The following CTNNA2 variants were observed in gnomAD, a reference collection of about 807,000 sequenced individuals.
CTNNA2 encodes catenin alpha-2.
In CTNNA2, 42 loss-of-function variants were observed where a neutral mutation model predicts 101.0. The ratio of observed to expected loss-of-function variants is 0.42; its 90% CI spans 0.32 to 0.54. The LOEUF (loss-of-function observed/expected upper bound fraction) is 0.54, where lower values mean the gene tolerates loss of function less well. Among genes scored for constraint, CTNNA2 ranks in the 20% least tolerant of loss-of-function variants. CTNNA2 has a pLI of 0.14. For missense variants in CTNNA2, 871 were observed against 1,223.1 expected, an observed-to-expected ratio of 0.71 and a Z score of 4.29; for synonymous variants, 450 against 456.4, an observed-to-expected ratio of 0.99 and a Z score of 0.18.
chr2:80,276,929 G>T lies in CTNNA2; in HGVS notation c.1057-116282G>T, dbSNP rs1558962341. Among the ~76,000 whole-genome samples the T allele has an allele frequency of 3.9e-5, 6 of 152,190 alleles. No homozygotes were observed. The South Asian group carries it at 1.2e-3, about 32-fold the overall frequency. ...GTTAGCCCAGACCCCACAGGTTGAAGACAAAGTCCTTTACAAGACTATTGC... is the reference window on the plus strand; with the variant it reads ...GTTAGCCCAGACCCCACAGGTTGAATACAAAGTCCTTTACAAGACTATTGC... On this transcript the variant is annotated intron_variant, in intron 7 of 18. Coordinates refer to ENST00000402739, the MANE Select transcript of CTNNA2 (RefSeq NM_001282597.3).
chr2:80,074,702 G>A (rs773939129), intron 7 of CTNNA2, among the ~76,000 whole-genome samples: 1 of 152,144 alleles, frequency 6.6e-6, no homozygotes, highest in African/African-American at 2.4e-5. Flanking sequence ...GAAATAAGGA[G>A]CAAGAGAACA....
At chr2:80,582,324 C>T (rs1248072741) in intron 14 of CTNNA2, among the ~76,000 whole-genome samples, 1 of 152,096 alleles carries the variant, frequency 6.6e-6, no homozygotes, top group Non-Finnish European at 1.5e-5. Context: ...GGTTCAAGGC[C>T]ATTAGATAGA....
intron 12 of CTNNA2, among the ~76,000 whole-genome samples, chr2:80,562,078 T>A (rs917122737): frequency 2.8e-5 from 4 of 143,308 alleles, no homozygotes; most frequent in Non-Finnish European, 6.1e-5. Flanking sequence ...TTTTGAAATG[T>A]AAACATATCT....
chr2:79,277,350 T>C (rs924854604), intron 2 of CTNNA2, among the ~76,000 whole-genome samples: 1 of 152,102 alleles, frequency 6.6e-6, no homozygotes, highest in Non-Finnish European at 1.5e-5. Context: ...CTCTGCCTCA[T>C]TGTGCTCATT....
At chr2:79,646,378 T>C (rs2104447859) in intron 1 of CTNNA2, among the ~76,000 whole-genome samples, 1 of 152,290 alleles carries the variant, frequency 6.6e-6, no homozygotes, top group South Asian at 2.1e-4. Flanking sequence ...TTGTATTTTC[T>C]ATCATGAGTG....
rs544283241 is a variant in CTNNA2 at position 79,319,078 on chromosome 2, G to C, written c.-318+6282G>C. On this transcript the variant is annotated intron_variant, in intron 3 of 21. Coordinates refer to the CTNNA2 transcript ENST00000466387. The stretch of plus-strand genomic sequence containing the variant: ...CATAAGAGATCTTTCTCCAAGTAGA[G>C]AGGAAGACCCAGGTAAAAGTAGATG... Among the ~76,000 whole-genome samples the C allele has an allele frequency of 5.3e-5, 8 of 152,292 alleles. No individual in the cohort carries two copies. In the East Asian group the frequency reaches 9.6e-4, roughly 18 times the overall value.
At chr2:79,312,880 A>G (rs1394031960) in intron 3 of CTNNA2, 1 of 152,222 alleles carries the variant, frequency 6.6e-6, no homozygotes, top group East Asian at 1.9e-4. Flanking sequence ...TTCCTTTCCA[A>G]GAAATGAGTT....
At chr2:79,705,619 A>T (rs917609726) in intron 2 of CTNNA2, among the ~76,000 whole-genome samples, 6 of 152,180 alleles carry the variant, frequency 3.9e-5, no homozygotes, top group African/African-American at 1.4e-4. Context: ...TCAAATACAC[A>T]GTTTATTTTA....
intron 3 of CTNNA2, among the ~76,000 whole-genome samples, chr2:79,816,432 A>G (rs1330771145): frequency 6.6e-6 from 1 of 152,104 alleles, no homozygotes; most frequent in Non-Finnish European, 1.5e-5. Flanking sequence ...CATTTTAAGG[A>G]TTCAAAAATT....
chr2:79,976,622 G>T lies in CTNNA2; in HGVS notation c.1056+66825G>T, dbSNP rs148051543. On this transcript the variant is annotated intron_variant, in intron 7 of 18. Coordinates refer to ENST00000402739, the MANE Select transcript of CTNNA2 (RefSeq NM_001282597.3). ...TTAAGGGCTTTTGTATCAGGCACAG[G>T]CATTACGATTACATTTTAACCTCAC... is the stretch of plus-strand genomic sequence containing the variant. Among the ~76,000 whole-genome samples, 24 of 152,272 alleles carry T rather than the reference G, an allele frequency of 1.6e-4. No individual in the cohort carries two copies. The East Asian group carries it at 3.7e-3, about 23-fold the overall frequency.
intron 7 of CTNNA2, among the ~76,000 whole-genome samples, chr2:79,959,439 A>T (rs1346166677): frequency 6.6e-6 from 1 of 152,222 alleles, no homozygotes; most frequent in Non-Finnish European, 1.5e-5. Context: ...CACAAAGAAG[A>T]ACAAGAAACA....
chr2:79,746,755 G>A (rs910696908), intron 3 of CTNNA2, among the ~76,000 whole-genome samples: 2 of 152,102 alleles, frequency 1.3e-5, no homozygotes. Context: ...TACCTTCTCA[G>A]GGAAACTTTA....
At chr2:80,248,395 G>C (rs1250150225) in intron 7 of CTNNA2, among the ~76,000 whole-genome samples, 1 of 152,184 alleles carries the variant, frequency 6.6e-6, no homozygotes, top group Admixed American at 6.5e-5. Context: ...TGTTGGGCAG[G>C]AGAGATTCCA....
At chr2:80,355,518 A>G (rs111807158) in intron 7 of CTNNA2, among the ~76,000 whole-genome samples, 11 of 152,138 alleles carry the variant, frequency 7.2e-5, no homozygotes, top group Non-Finnish European at 1.5e-4. Context: ...AGTCTTCTGA[A>G]CAACTTCTTG....
At chr2:80,442,827 C>G (rs1338399943) in intron 9 of CTNNA2, among the ~76,000 whole-genome samples, 1 of 152,234 alleles carries the variant, frequency 6.6e-6, no homozygotes, top group East Asian at 1.9e-4. Flanking sequence ...TTGTTGCCAT[C>G]ATCCTCGTCT....
At chr2:80,258,236 A>G (rs1486099851) in intron 7 of CTNNA2, among the ~76,000 whole-genome samples, 1 of 152,174 alleles carries the variant, frequency 6.6e-6, no homozygotes, top group East Asian at 1.9e-4. Flanking sequence ...ATGACAGTCA[A>G]TTCTTCTCAG....
chr2:79,514,204 A>G (rs1012055031), intron 1 of CTNNA2, among the ~76,000 whole-genome samples: 2 of 152,218 alleles, frequency 1.3e-5, no homozygotes, highest in African/African-American at 2.4e-5. Flanking sequence ...GAAGGGTGGA[A>G]GAGAGGTACT....
intron 9 of CTNNA2, among the ~76,000 whole-genome samples, chr2:80,439,775 A>G (rs958617622): frequency 2.6e-5 from 4 of 152,188 alleles, no homozygotes; most frequent in African/African-American, 9.7e-5. Flanking sequence ...CTCAATATAT[A>G]CTTGGTCCTT....
intron 2 of CTNNA2, among the ~76,000 whole-genome samples, chr2:79,305,041 A>G (rs1365277821): frequency 6.6e-6 from 1 of 152,152 alleles, no homozygotes; most frequent in Non-Finnish European, 1.5e-5. Context: ...GGGGTTTTGT[A>G]CAAAATTTGT....
Sources: allele counts gnomAD v4.1 joint callset (sites outside exome capture counted in the v4.1 genomes callset), GRCh38; gene constraint gnomAD v4.1.1; transcripts MANE v1.5; gene names NCBI Gene and HGNC (gene_info 2026-07-23, HGNC 2026-07-21).